TMTC2: variants seen among roughly 807,000 people sequenced by gnomAD.
TMTC2 encodes transmembrane O-mannosyltransferase targeting cadherins 2, also known as protein O-mannosyl-transferase TMTC2.
A neutral mutation model predicts 82.4 loss-of-function variants in TMTC2; 43 were observed. The observed-to-expected ratio is 0.52, with a 90% CI of 0.41 to 0.67. TMTC2 has a LOEUF of 0.67. Among genes scored for constraint, TMTC2 ranks in the 30% least tolerant of loss-of-function variants. The pLI is 0.00. For synonymous variants in TMTC2, 408 were observed against 381.9 expected (o/e 1.07, Z -0.80); for missense variants, 919 against 1,012.4 (o/e 0.91, Z 1.25).
intron 10 of TMTC2, among the ~76,000 whole-genome samples, chr12:83,061,551 G>A (rs12829217): frequency 0.34 from 50,872 of 151,328 alleles, 9,076 homozygotes; most frequent in South Asian, 0.46. Context: ...AATAACACCC[G>A]CTGAATAGGA....
At chr12:82,798,310 G>A (rs1225899689) in intron 1 of TMTC2, among the ~76,000 whole-genome samples, 1 of 149,080 alleles carries the variant, frequency 6.7e-6, no homozygotes, top group East Asian at 2.1e-4. Context: ...GGTGGCTCAC[G>A]CCTGTAATCC....
chr12:82,891,310 A>G (rs1873381604), intron 2 of TMTC2, among the ~76,000 whole-genome samples: 1 of 152,012 alleles, frequency 6.6e-6, no homozygotes, highest in Non-Finnish European at 1.5e-5. Context: ...GCTCATTTAT[A>G]TAGTTGATTT....
At chr12:83,039,531 A>G (rs988657120) in intron 9 of TMTC2, among the ~76,000 whole-genome samples, 5 of 152,030 alleles carry the variant, frequency 3.3e-5, no homozygotes, top group Admixed American at 3.3e-4. Flanking sequence ...TGGCCTGAGA[A>G]ATTCACATAT....
intron 11 of TMTC2, among the ~76,000 whole-genome samples, chr12:83,128,708 C>T (rs1361928519): frequency 1.3e-5 from 2 of 152,126 alleles, no homozygotes; most frequent in African/African-American, 4.8e-5. Flanking sequence ...TTCTGTCAAG[C>T]TGCCAGGGGA....
rs543159061 is a variant in TMTC2, at chr12:83,107,530, A to G, written c.2332-24680A>G. 2.0e-5 allele frequency among the ~76,000 whole-genome samples: 3 copies of G among 152,338 alleles called. No individual in the cohort carries two copies. The South Asian group carries it at 6.2e-4, about 32-fold the overall frequency. ...CCCCACCTTGATTCAGACCTTATCT[A>G]ATCTCAGTTACCTCCCAAAGACCCC... is the stretch of plus-strand genomic sequence containing the variant. On this transcript the variant is annotated intron_variant, in intron 11 of 11. Coordinates refer to ENST00000321196, the MANE Select transcript of TMTC2 (RefSeq NM_152588.3).
In TMTC2 at chr12:82,989,484, A is replaced by T. The variant is rs374510117; in HGVS notation, c.2070+3438A>T. ...CTCCACATAAGTATTAAATTAATAT[A>T]CCTAAGCTAGATTGATAAATGGCCA... On this transcript the variant is annotated intron_variant, in intron 8 of 11. Transcript: ENST00000321196. Among the ~76,000 whole-genome samples, 14 of 152,130 alleles carry T rather than the reference A, an allele frequency of 9.2e-5. No individual in the cohort carries two copies. The East Asian group carries it at 2.1e-3, about 23-fold the overall frequency.
At chr12:82,983,756 A>G (rs1034924856) in intron 7 of TMTC2, among the ~76,000 whole-genome samples, 4 of 152,026 alleles carry the variant, frequency 2.6e-5, no homozygotes, top group African/African-American at 4.8e-5. Context: ...TGGGACCTGT[A>G]ATTTAGGCCC....
chr12:82,804,320 GC>G (rs561152222), intron 1 of TMTC2, among the ~76,000 whole-genome samples: 20 of 152,182 alleles, frequency 1.3e-4, no homozygotes, highest in Middle Eastern at 6.8e-3. Flanking sequence ...TGGAGTTAAG[GC>G]ATCTATAAGT....
intron 3 of TMTC2, among the ~76,000 whole-genome samples, chr12:82,911,736 G>C (rs1874673763): frequency 6.6e-6 from 1 of 151,968 alleles, no homozygotes; most frequent in Non-Finnish European, 1.5e-5. Flanking sequence ...CCAGTAGCTG[G>C]AATTACAGGT....
At chr12:83,071,215 C>T (rs570863725) in intron 11 of TMTC2, among the ~76,000 whole-genome samples, 5 of 144,716 alleles carry the variant, frequency 3.5e-5, no homozygotes, top group South Asian at 2.4e-4. Context: ...AGTGCAGTGG[C>T]GCTATCTCGG....
chr12:83,050,851 A>G (rs1358905784), intron 9 of TMTC2, 53 bp from the exon 10 acceptor site: 3 of 1,281,526 alleles, frequency 2.3e-6, no homozygotes, highest in African/African-American at 1.5e-5. Flanking sequence ...TAACAGCTTT[A>G]TTGTTTCATG....
At chr12:82,987,811 G>A (rs1879224256) in intron 8 of TMTC2, among the ~76,000 whole-genome samples, 1 of 152,070 alleles carries the variant, frequency 6.6e-6, no homozygotes, top group Non-Finnish European at 1.5e-5. Flanking sequence ...ACATAAGTTT[G>A]TCCACAAGTA....
intron 1 of TMTC2, among the ~76,000 whole-genome samples, chr12:82,849,555 A>G (rs1870863953): frequency 6.6e-6 from 1 of 152,136 alleles, no homozygotes; most frequent in African/African-American, 2.4e-5. Context: ...TAATTTCAGT[A>G]ATGGAAGAAT....
At chr12:82,867,301 T>C (rs1255211001) in intron 2 of TMTC2, among the ~76,000 whole-genome samples, 1 of 152,226 alleles carries the variant, frequency 6.6e-6, no homozygotes, top group East Asian at 1.9e-4. Flanking sequence ...TATGTGTTGA[T>C]TCACTTAATT....
intron 1 of TMTC2, among the ~76,000 whole-genome samples, chr12:82,766,626 C>T (rs75197228): frequency 0.015 from 2,301 of 152,174 alleles, 54 homozygotes; most frequent in African/African-American, 0.052. Flanking sequence ...AGATCAAGTC[C>T]GACGAAAATG....
At chr12:82,975,289 A>G (rs765046312) in intron 7 of TMTC2, among the ~76,000 whole-genome samples, 9 of 152,174 alleles carry the variant, frequency 5.9e-5, no homozygotes, top group Non-Finnish European at 1.2e-4. Flanking sequence ...CCAGTAAGTA[A>G]GGGAAAATTG....
chr12:83,012,863 A>G (rs1285147111), intron 8 of TMTC2, among the ~76,000 whole-genome samples: 1 of 152,138 alleles, frequency 6.6e-6, no homozygotes, highest in African/African-American at 2.4e-5. Context: ...TTAGGTATGA[A>G]TTATGGCAGC....
At chr12:83,003,078 G>C (rs1879999542) in intron 8 of TMTC2, among the ~76,000 whole-genome samples, 1 of 152,092 alleles carries the variant, frequency 6.6e-6, no homozygotes, top group South Asian at 2.1e-4. Flanking sequence ...AGAAGAACTT[G>C]CTTTATAAAT....
intron 3 of TMTC2, among the ~76,000 whole-genome samples, chr12:82,906,451 G>T (rs1359276950): frequency 6.6e-6 from 1 of 152,094 alleles, no homozygotes; most frequent in African/African-American, 2.4e-5. Flanking sequence ...GATCACATGA[G>T]GTCAGGAGTT....
Sources: gnomAD v4.1 joint callset for allele counts (sites outside exome capture counted in the v4.1 genomes callset) on GRCh38, gnomAD v4.1.1 for gene constraint, MANE v1.5 for transcripts, NCBI Gene and HGNC (gene_info 2026-07-23, HGNC 2026-07-21) for gene names.